Variants in GDPD4 observed in about 807,000 individuals in gnomAD.
GDPD4 encodes the protein glycerophosphodiester phosphodiesterase 6.
GDPD4 carries 60 observed loss-of-function variants against 67.8 expected under a neutral mutation model. The observed-to-expected ratio is 0.88, with a 90% CI of 0.72 to 1.10. GDPD4 has a LOEUF of 1.10. Among genes scored for constraint, GDPD4 ranks in the 50% least tolerant of loss-of-function variants. The pLI is 0.00. For synonymous variants in GDPD4, 212 were observed against 210.9 expected (o/e 1.00, Z -0.04); for missense variants, 623 against 613.9 (o/e 1.01, Z -0.16).
chr11:77,265,065 A>G (rs1283359223), intron 10 of GDPD4, among the ~76,000 whole-genome samples: 1 of 152,002 alleles, frequency 6.6e-6, no homozygotes, highest in Non-Finnish European at 1.5e-5. Context: ...TCTTACCACA[A>G]TTTGTCTCTG....
At chr11:77,274,891 G>T (rs1225135609) in intron 5 of GDPD4, among the ~76,000 whole-genome samples, 1 of 152,152 alleles carries the variant, frequency 6.6e-6, no homozygotes. Flanking sequence ...GGCTGGAAAG[G>T]GTGGGTCAGA....
At chr11:77,250,465 T>C (rs1233434553) in intron 11 of GDPD4, among the ~76,000 whole-genome samples, 1 of 152,204 alleles carries the variant, frequency 6.6e-6, no homozygotes, top group South Asian at 2.1e-4. Context: ...TATATACTTG[T>C]ACAGTTTTGA....
chr11:77,296,998 G>A (rs946839467), intron 1 of GDPD4, among the ~76,000 whole-genome samples: 39 of 149,688 alleles, frequency 2.6e-4, no homozygotes, highest in Non-Finnish European at 4.4e-5. Flanking sequence ...AGGTTGCAGT[G>A]AGCCAAGATC....
chr11:77,268,163 G>C (rs1959187202), intron 10 of GDPD4, among the ~76,000 whole-genome samples: 1 of 152,048 alleles, frequency 6.6e-6, no homozygotes, highest in Non-Finnish European at 1.5e-5. Flanking sequence ...AAATTGCTAA[G>C]GTAGTACATA....
chr11:77,240,006 A>G (rs907515231), intron 13 of GDPD4, among the ~76,000 whole-genome samples: 5 of 152,084 alleles, frequency 3.3e-5, no homozygotes, highest in Non-Finnish European at 7.3e-5. Context: ...AAACACAAAT[A>G]AATGAAAAGT....
At chr11:77,225,513 A>C (rs1958313184) in intron 16 of GDPD4, among the ~76,000 whole-genome samples, 1 of 152,170 alleles carries the variant, frequency 6.6e-6, no homozygotes, top group Admixed American at 6.5e-5. Context: ...TCCCTCTCAC[A>C]TGCACGCACA....
intron 9 of GDPD4, 62 bp from the exon 10 acceptor site, chr11:77,268,601 G>A: frequency 7.7e-7 from 1 of 1,293,000 alleles, no homozygotes; most frequent in Admixed American, 1.7e-5. Flanking sequence ...CATTCCTTTT[G>A]TGGTAGGGGT....
chr11:77,287,538 T>C (rs547021190), intron 1 of GDPD4, 118 bp from the exon 2 acceptor site: 1 of 152,300 alleles, frequency 6.6e-6, no homozygotes, highest in South Asian at 2.1e-4. Context: ...CTGTTTATAA[T>C]CAAAGGTAAT....
At position 77,262,854 on chromosome 11, in the gene GDPD4, C is replaced by CAAAAAAAA. The variant is rs67911054; in HGVS notation, c.708-4320_708-4313dup. ...TCTATCACTAAATCTTTCTCTGCTG[C>CAAAAAAAA]AAAAAAAAAAAAAAAAAAAAAAAGG... On this transcript the variant is annotated intron_variant, in intron 10 of 16. Coordinates refer to ENST00000315938, the MANE Select transcript of GDPD4 (RefSeq NM_182833.3). Among the ~76,000 whole-genome samples, 17 of 66,998 alleles carry CAAAAAAAA rather than the reference C, an allele frequency of 2.5e-4. 2 individuals carry two copies. The highest frequency in any genetic ancestry group is 6.0e-4 in the African/African-American group (9 of 14,898). 44.0% of individuals were successfully genotyped at this position (66,998 alleles called of 152,430 possible). A position where few individuals can be genotyped will look rare whatever the true frequency, so the allele number is the denominator to read the frequency against.
At chr11:77,226,669 T>TATATATAATG (rs1366389719) in intron 16 of GDPD4, among the ~76,000 whole-genome samples, 1 of 150,496 alleles carries the variant, frequency 6.6e-6, no homozygotes, top group African/African-American at 2.5e-5. Flanking sequence ...ACTGATATAA[T>TATATATAATG]CATAAACTAG....
intron 5 of GDPD4, among the ~76,000 whole-genome samples, chr11:77,275,703 G>A (rs550529086): frequency 5.3e-5 from 8 of 152,300 alleles, no homozygotes; most frequent in South Asian, 2.1e-4. Flanking sequence ...CCTCTCTGCC[G>A]CTATGGGCTT....
chr11:77,240,129 A>AT (rs537881337), intron 13 of GDPD4, among the ~76,000 whole-genome samples: 709 of 50,678 alleles, frequency 0.014, 9 homozygotes, highest in African/African-American at 0.043. Context: ...TTTCACAGAA[A>AT]TAAAAAAAAA....
chr11:77,236,442 C>T lies in GDPD4; in HGVS notation c.1242-3270G>A, dbSNP rs540288834. Reference sequence around the variant, plus strand: ...GGACCTAACATTCCAATTAAAAGTCCGAGATTATCCTACTAGATATAAAAG... The same window carrying T: ...GGACCTAACATTCCAATTAAAAGTCTGAGATTATCCTACTAGATATAAAAG... On this transcript the variant is annotated intron_variant, in intron 13 of 16. Transcript: ENST00000315938. Among the ~76,000 whole-genome samples, 14 of 151,600 alleles carry T rather than the reference C, an allele frequency of 9.2e-5. No homozygotes were observed. The East Asian group carries it at 1.4e-3, about 15-fold the overall frequency.
chr11:77,272,648 C>A (rs934664218), intron 5 of GDPD4, among the ~76,000 whole-genome samples: 1 of 151,920 alleles, frequency 6.6e-6, no homozygotes, highest in East Asian at 1.9e-4. Context: ...TGGTTGCACA[C>A]AACTGTAGTT....
At chr11:77,252,501 A>G (rs1317949666) in intron 11 of GDPD4, among the ~76,000 whole-genome samples, 1 of 151,974 alleles carries the variant, frequency 6.6e-6, no homozygotes, top group Non-Finnish European at 1.5e-5. Flanking sequence ...TTCCTTTTCC[A>G]GTAATTCATT....
At chr11:77,237,481 A>C (rs970412222) in intron 13 of GDPD4, among the ~76,000 whole-genome samples, 2 of 152,228 alleles carry the variant, frequency 1.3e-5, no homozygotes, top group African/African-American at 4.8e-5. Context: ...TACACCCAAC[A>C]ACTGAAGAGG....
intron 16 of GDPD4, among the ~76,000 whole-genome samples, chr11:77,220,293 A>G (rs1355683078): frequency 1.3e-5 from 2 of 152,200 alleles, no homozygotes; most frequent in Non-Finnish European, 2.9e-5. Context: ...GCCAGTTTTC[A>G]AAGGGAATGC....
At position 77,276,976 on chromosome 11, in the gene GDPD4, C is replaced by G. The variant is rs116363137; in HGVS notation, c.148-756G>C. 4.5e-3 allele frequency among the ~76,000 whole-genome samples: 686 copies of G among 152,028 alleles called. 8 individuals carry two copies. Among genetic ancestry groups the G allele is most frequent in the African/African-American group, 0.015 (641 of 41,470 alleles). On this transcript the variant is annotated intron_variant, in intron 4 of 16. Transcript: ENST00000315938. ...TGCCTTGACCAAGGTTACATAGTAC[C>G]TAAAGATAGAACTAGAAATAGAATC...
At chr11:77,262,810 T>C (rs1351236808) in intron 10 of GDPD4, among the ~76,000 whole-genome samples, 1 of 142,186 alleles carries the variant, frequency 7.0e-6, no homozygotes, top group East Asian at 2.1e-4. Context: ...GGTTTCCTCC[T>C]ATTTCCTCAT....
Sources: gnomAD v4.1 joint callset for allele counts (sites outside exome capture counted in the v4.1 genomes callset) on GRCh38, gnomAD v4.1.1 for gene constraint, MANE v1.5 for transcripts, NCBI Gene and HGNC (gene_info 2026-07-23, HGNC 2026-07-21) for gene names.